ANO10: variants seen among roughly 807,000 people sequenced by gnomAD.
ANO10 encodes the protein anoctamin-10.
Under a neutral mutation model 74.7 loss-of-function variants are expected in ANO10, and 77 were observed. That is an observed-to-expected ratio of 1.03 (90% CI 0.86 to 1.25). The LOEUF is 1.25. Ranked by LOEUF, ANO10 falls within the 50% of genes most tolerant of loss-of-function variation. ANO10 has a pLI of 0.00. For missense variants in ANO10, 721 were observed against 778.1 expected (o/e 0.93, Z 0.87); for synonymous variants, 279 against 284.9 (o/e 0.98, Z 0.21).
chr3:43,597,377 G>T (rs2082138961), intron 4 of ANO10, among the ~76,000 whole-genome samples: 1 of 152,168 alleles, frequency 6.6e-6, no homozygotes, highest in South Asian at 2.1e-4. Context: ...GTCTATCAGT[G>T]ATAGACTGGA....
chr3:43,495,891 C>T (rs1429493122), intron 11 of ANO10, among the ~76,000 whole-genome samples: 5 of 151,926 alleles, frequency 3.3e-5, no homozygotes, highest in African/African-American at 1.2e-4. Context: ...TTAGTAGAGA[C>T]GGGGTTTCAC....
chr3:43,436,631 T>C (rs963512083), intron 11 of ANO10, among the ~76,000 whole-genome samples: 2 of 152,094 alleles, frequency 1.3e-5, no homozygotes, highest in African/African-American at 2.4e-5. Flanking sequence ...CAGAGAAAAT[T>C]AGCACTCAGA....
intron 4 of ANO10, among the ~76,000 whole-genome samples, chr3:43,593,890 G>T (rs1313842268): frequency 6.6e-6 from 1 of 152,062 alleles, no homozygotes. Flanking sequence ...GACACACATA[G>T]GCTCAAAATA....
intron 1 of ANO10, among the ~76,000 whole-genome samples, chr3:43,683,952 T>C (rs968430626): frequency 2.6e-5 from 4 of 152,164 alleles, no homozygotes; most frequent in Non-Finnish European, 4.4e-5. Context: ...AAGACTTAAA[T>C]GTTAGACCTA....
chr3:43,643,676 ATCTTT>A (rs1281245393), intron 1 of ANO10, among the ~76,000 whole-genome samples: 2 of 128,848 alleles, frequency 1.6e-5, no homozygotes, highest in African/African-American at 6.8e-5. Flanking sequence ...ACTTGTCCTC[ATCTTT>A]TCTTTTTTTT....
At chr3:43,516,410 A>G (rs1463007840) in intron 11 of ANO10, among the ~76,000 whole-genome samples, 1 of 152,208 alleles carries the variant, frequency 6.6e-6, no homozygotes, top group Non-Finnish European at 1.5e-5. Flanking sequence ...CTATGCCTAT[A>G]ATACAGTATG....
At chr3:43,375,260 A>G (rs2091759938) in intron 12 of ANO10, among the ~76,000 whole-genome samples, 1 of 152,048 alleles carries the variant, frequency 6.6e-6, no homozygotes, top group Admixed American at 6.5e-5. Flanking sequence ...AGCCTGGCCA[A>G]CATGGTGAAA....
intron 1 of ANO10, among the ~76,000 whole-genome samples, chr3:43,636,970 C>T (rs999518130): frequency 6.6e-6 from 1 of 152,112 alleles, no homozygotes; most frequent in Non-Finnish European, 1.5e-5. Context: ...CAAAACCAGC[C>T]TGGGCAAAAT....
At chr3:43,477,753 G>A (rs1432950079) in intron 11 of ANO10, among the ~76,000 whole-genome samples, 2 of 152,166 alleles carry the variant, frequency 1.3e-5, no homozygotes, top group South Asian at 2.1e-4. Flanking sequence ...AGGAAGACGC[G>A]AAGGTGACGT....
At position 43,577,384 on chromosome 3, in the gene ANO10, C is replaced by T. The variant is rs75854701; in HGVS notation, c.593-123G>A. The T allele has an allele frequency of 0.035, 33,023 of 955,366 alleles. 894 individuals are homozygous for T. Among genetic ancestry groups the T allele is most frequent in the Non-Finnish European group, 0.04 (24,787 of 615,686 alleles). 59.2% of individuals were successfully genotyped at this position (955,366 alleles called of 1,614,324 possible). A position where few individuals can be genotyped will look rare whatever the true frequency, so the allele number is the denominator to read the frequency against. ...CATTCAACCCTCACTTCCCAAACAG[C>T]GTGTGGTGGTAAATCTACCCTCCAT... On this transcript the variant is annotated intron_variant, in intron 5 of 12. Coordinates refer to ENST00000292246, the MANE Select transcript of ANO10 (RefSeq NM_018075.5).
intron 1 of ANO10, among the ~76,000 whole-genome samples, chr3:43,684,984 C>CA (rs1407043429): frequency 6.6e-6 from 1 of 151,944 alleles, no homozygotes; most frequent in Non-Finnish European, 1.5e-5. Flanking sequence ...TAATGTTAAA[C>CA]GAAGAGTTAA....
At chr3:43,441,961 T>C (rs1412637609) in intron 11 of ANO10, among the ~76,000 whole-genome samples, 1 of 152,066 alleles carries the variant, frequency 6.6e-6, no homozygotes, top group Non-Finnish European at 1.5e-5. Flanking sequence ...CCTTTCATGA[T>C]AAAAACACTC....
chr3:43,593,521 T>A (rs1246439437), intron 4 of ANO10, among the ~76,000 whole-genome samples: 2 of 151,544 alleles, frequency 1.3e-5, no homozygotes, highest in African/African-American at 2.4e-5. Flanking sequence ...GCTTCATAAG[T>A]GAAGGACAAA....
intron 10 of ANO10, 88 bp downstream of exon 10, chr3:43,555,190 G>A: frequency 7.4e-7 from 1 of 1,355,758 alleles, no homozygotes; most frequent in Non-Finnish European, 1.0e-6. Context: ...AAATCTCTCT[G>A]TAGGGCTTAC....
intron 11 of ANO10, among the ~76,000 whole-genome samples, chr3:43,523,788 A>G (rs2078064661): frequency 6.6e-6 from 1 of 152,236 alleles, no homozygotes; most frequent in Non-Finnish European, 1.5e-5. Flanking sequence ...TGTTAGGCGT[A>G]AAGGTAACGC....
At chr3:43,545,034 G>A (rs866492746) in intron 11 of ANO10, among the ~76,000 whole-genome samples, 4 of 150,732 alleles carry the variant, frequency 2.7e-5, no homozygotes, top group Middle Eastern at 3.2e-3. Flanking sequence ...TAATTAATTT[G>A]GAAAAAAAGC....
rs567642277 is a variant in ANO10 at position 43,577,286 on chromosome 3, A to AT, written c.593-26dup. The AT allele has an allele frequency of 1.9e-4, 306 of 1,599,400 alleles. 1 individual carries two copies. In the African/African-American group the frequency reaches 3.0e-3, roughly 16 times the overall value. On this transcript the variant is annotated intron_variant, in intron 5 of 12. Coordinates refer to ENST00000292246, the MANE Select transcript of ANO10 (RefSeq NM_018075.5). ...TCTATAGTGGAAACAAAGAAAGAAC[A>AT]TAAGTATAGACTACCAAACACTTTA...
intron 11 of ANO10, among the ~76,000 whole-genome samples, chr3:43,449,714 G>A (rs187957195): frequency 2.3e-4 from 34 of 146,146 alleles, no homozygotes; most frequent in African/African-American, 8.1e-4. Context: ...AAGTTTCGAA[G>A]TTGGTTAGTG....
intron 11 of ANO10, among the ~76,000 whole-genome samples, chr3:43,477,111 A>G (rs1452398255): frequency 6.6e-6 from 1 of 152,204 alleles, no homozygotes; most frequent in Non-Finnish European, 1.5e-5. Context: ...TATTCTCCCT[A>G]GAGACAAGCC....
Sources: gnomAD v4.1 joint callset for allele counts (sites outside exome capture counted in the v4.1 genomes callset) on GRCh38, gnomAD v4.1.1 for gene constraint, MANE v1.5 for transcripts, NCBI Gene and HGNC (gene_info 2026-07-23, HGNC 2026-07-21) for gene names.